The following ARHGAP10 variants were observed in gnomAD, a reference collection of about 807,000 sequenced individuals.
ARHGAP10 encodes the protein Rho GTPase activating protein 10, also known as rho GTPase-activating protein 10.
ARHGAP10 carries 87 observed loss-of-function variants against 108.6 expected under a neutral mutation model. That is an observed-to-expected ratio of 0.80 (90% CI 0.67 to 0.96). ARHGAP10 has a LOEUF of 0.96. Among genes scored for constraint, ARHGAP10 ranks in the 40% least tolerant of loss-of-function variants. The pLI is 0.00. For synonymous variants in ARHGAP10, 347 were observed against 341.1 expected (o/e 1.02, Z -0.19); for missense variants, 939 against 954.5 (o/e 0.98, Z 0.21).
chr4:148,057,526 A>G (rs752992645), intron 20 of ARHGAP10, among the ~76,000 whole-genome samples: 10 of 152,184 alleles, frequency 6.6e-5, no homozygotes, highest in Non-Finnish European at 1.2e-4. Context: ...GAATAAGTGT[A>G]CTAGTGCCTG....
intron 1 of ARHGAP10, among the ~76,000 whole-genome samples, chr4:147,800,587 ATGG>A (rs1184511801): frequency 6.6e-6 from 1 of 152,144 alleles, no homozygotes; most frequent in East Asian, 1.9e-4. Flanking sequence ...GGGTTGGGAA[ATGG>A]TGGGTCTGGG....
At chr4:147,839,134 A>ATCTGTCTGTCTGTCTG (rs1213326296) in intron 3 of ARHGAP10, among the ~76,000 whole-genome samples, 2 of 143,924 alleles carry the variant, frequency 1.4e-5, no homozygotes, top group African/African-American at 5.3e-5. Flanking sequence ...CTATCTATCT[A>ATCTGTCTGTCTGTCTG]TCTATCTATC....
chr4:148,001,723 T>C (rs1249722049), intron 18 of ARHGAP10, among the ~76,000 whole-genome samples: 1 of 152,100 alleles, frequency 6.6e-6, no homozygotes, highest in East Asian at 1.9e-4. Context: ...TTGTCTGTTA[T>C]TGGTGTATAA....
chr4:148,049,000 A>G (rs2149681451), intron 20 of ARHGAP10, among the ~76,000 whole-genome samples: 1 of 151,860 alleles, frequency 6.6e-6, no homozygotes, highest in South Asian at 2.1e-4. Context: ...CTATTTCAGA[A>G]ACTTGATTTA....
intron 18 of ARHGAP10, among the ~76,000 whole-genome samples, chr4:147,975,594 TGACA>T (rs773831362): frequency 3.9e-5 from 6 of 152,000 alleles, no homozygotes; most frequent in South Asian, 2.1e-4. Context: ...GAAAAAGGAG[TGACA>T]GACAGAGTGC....
intron 18 of ARHGAP10, among the ~76,000 whole-genome samples, chr4:148,000,246 A>C (rs1740651892): frequency 6.6e-6 from 1 of 152,296 alleles, no homozygotes. Context: ...GTCCCTACAA[A>C]GGACATGAAC....
chr4:147,946,003 C>A (rs996634619), intron 14 of ARHGAP10, among the ~76,000 whole-genome samples: 2 of 152,192 alleles, frequency 1.3e-5, no homozygotes, highest in African/African-American at 4.8e-5. Flanking sequence ...ACCCTGTTCC[C>A]CCAGTGCGCG....
chr4:148,042,842 C>T (rs1038601710), intron 19 of ARHGAP10, among the ~76,000 whole-genome samples: 10 of 152,208 alleles, frequency 6.6e-5, no homozygotes, highest in African/African-American at 1.7e-4. Context: ...TGGCTCAAAA[C>T]GGGAGAGGAT....
At chr4:147,907,996 C>T (rs1256530998) in intron 11 of ARHGAP10, among the ~76,000 whole-genome samples, 1 of 152,114 alleles carries the variant, frequency 6.6e-6, no homozygotes, top group Admixed American at 6.5e-5. Context: ...GTGTGTGTCA[C>T]CATGCCCAGC....
Position 147,762,535 on chromosome 4 carries a change from TA to T in ARHGAP10, c.154+30081del, listed in dbSNP as rs1486977931. On this transcript the variant is annotated intron_variant, in intron 1 of 22. Coordinates refer to ENST00000336498, the MANE Select transcript of ARHGAP10 (RefSeq NM_024605.4). ...ATTTATTTATTTTTATTTATTTATTTATTTATTTTTTTTGAGACGGAGTCTT... is the reference window on the plus strand; with the variant it reads ...ATTTATTTATTTTTATTTATTTATTTTTTATTTTTTTTGAGACGGAGTCTT... Among the ~76,000 whole-genome samples, 547 of 151,526 alleles carry T rather than the reference TA, an allele frequency of 3.6e-3. 6 individuals are homozygous for T. The highest frequency in any genetic ancestry group is 0.031 in the East Asian group (161 of 5,176).
chr4:147,952,277 G>C (rs1468161109), intron 15 of ARHGAP10, among the ~76,000 whole-genome samples: 1 of 152,146 alleles, frequency 6.6e-6, no homozygotes, highest in Non-Finnish European at 1.5e-5. Context: ...ATAAATCCCA[G>C]GAGTGGAATA....
At chr4:148,049,840 CGGGG>C (rs1247337379) in intron 20 of ARHGAP10, among the ~76,000 whole-genome samples, 120 of 6,658 alleles carry the variant, frequency 0.018, no homozygotes, top group Middle Eastern at 0.12. Flanking sequence ...GGTGGGGGGG[CGGGG>C]GGCGGGGGGC....
Position 147,822,730 on chromosome 4 carries a change from T to C in ARHGAP10, c.158T>C (p.Leu53Pro). 6.2e-7 allele frequency: 1 copy of C among 1,614,136 alleles called. No homozygotes were observed. The highest frequency in any genetic ancestry group is 1.1e-5 in the South Asian group (1 of 91,078). ...GKNLIAATKS[L>P]SVAQRKFAHS... ...ATCATTATACTTTTCTTTCTAGGTC[T>C]GTCAGTGGCCCAGCGGAAGTTTGCT... is the stretch of plus-strand genomic sequence containing the variant. Residue 53 changes from leucine to proline, a missense_variant, in exon 2 of 23, where the codon CTG becomes CCG. Coordinates refer to ENST00000336498, the MANE Select transcript of ARHGAP10 (RefSeq NM_024605.4).
chr4:147,839,346 T>G (rs1344728560), intron 3 of ARHGAP10, among the ~76,000 whole-genome samples: 1 of 152,176 alleles, frequency 6.6e-6, no homozygotes, highest in East Asian at 1.9e-4. Flanking sequence ...AGATATTCCT[T>G]TGTTCTCAGA....
At chr4:148,044,777 TG>T in intron 19 of ARHGAP10, among the ~76,000 whole-genome samples, 1 of 152,268 alleles carries the variant, frequency 6.6e-6, no homozygotes, top group East Asian at 1.9e-4. Context: ...GGGGATGATG[TG>T]GTCTTTGTTC....
At chr4:147,942,936 T>C (rs1738215652) in intron 14 of ARHGAP10, among the ~76,000 whole-genome samples, 1 of 152,246 alleles carries the variant, frequency 6.6e-6, no homozygotes, top group Admixed American at 6.5e-5. Flanking sequence ...CTTTGCAGCC[T>C]CTAAGACAGG....
chr4:147,854,248 G>A (rs1037859331), intron 4 of ARHGAP10, among the ~76,000 whole-genome samples: 1 of 152,170 alleles, frequency 6.6e-6, no homozygotes, highest in Non-Finnish European at 1.5e-5. Context: ...AAGAAAAAAT[G>A]TGTTGCCACC....
intron 20 of ARHGAP10, among the ~76,000 whole-genome samples, chr4:148,048,449 T>G (rs983295341): frequency 6.6e-6 from 1 of 152,226 alleles, no homozygotes; most frequent in Non-Finnish European, 1.5e-5. Context: ...GTGCATATTT[T>G]TTATGCTGAG....
chr4:147,799,847 T>C (rs913547020), intron 1 of ARHGAP10, among the ~76,000 whole-genome samples: 1 of 152,198 alleles, frequency 6.6e-6, no homozygotes, highest in Non-Finnish European at 1.5e-5. Context: ...CTTGGGATTT[T>C]CCTGGTTCTT....
Sources: gnomAD v4.1 joint callset for allele counts (sites outside exome capture counted in the v4.1 genomes callset) on GRCh38, gnomAD v4.1.1 for gene constraint, MANE v1.5 for transcripts, NCBI Gene and HGNC (gene_info 2026-07-23, HGNC 2026-07-21) for gene names.